The following CHPT1 variants were observed in gnomAD, a reference collection of about 807,000 sequenced individuals.
CHPT1 encodes the protein cholinephosphotransferase 1.
In CHPT1, 36 loss-of-function variants were observed where a neutral mutation model predicts 47.6. That is an observed-to-expected ratio of 0.76 (90% CI 0.58 to 1.00). The LOEUF is 1.00. Ranked by LOEUF, CHPT1 falls within the 50% of genes least tolerant of loss-of-function variation. The pLI is 0.00. For synonymous variants in CHPT1, 194 were observed against 186.3 expected (o/e 1.04, Z -0.33); for missense variants, 458 against 498.1 (o/e 0.92, Z 0.77).
intron 8 of CHPT1, 35 bp downstream of exon 8, chr12:101,726,439 GA>G: frequency 6.2e-7 from 1 of 1,606,354 alleles, no homozygotes. Context: ...ATAGCCCAAG[GA>G]AAAGAGGAGA....
At chr12:101,719,037 A>T (rs1300247182) in intron 4 of CHPT1, among the ~76,000 whole-genome samples, 3 of 150,766 alleles carry the variant, frequency 2.0e-5, no homozygotes, top group African/African-American at 7.3e-5. Flanking sequence ...GGCACCTGTA[A>T]TCCCAGCTAC....
chr12:101,702,747 C>G (rs1951572102), intron 1 of CHPT1, among the ~76,000 whole-genome samples: 1 of 151,982 alleles, frequency 6.6e-6, no homozygotes, highest in Admixed American at 6.6e-5. Flanking sequence ...TTTCAAGCAT[C>G]ATTTATTAAG....
At chr12:101,699,753 A>G (rs1594119514) in intron 1 of CHPT1, among the ~76,000 whole-genome samples, 1 of 152,262 alleles carries the variant, frequency 6.6e-6, no homozygotes, top group South Asian at 2.1e-4. Flanking sequence ...TACATATTAC[A>G]TATGAAAAAG....
At chr12:101,716,241 TA>T (rs1951761573) in intron 3 of CHPT1, among the ~76,000 whole-genome samples, 2 of 152,206 alleles carry the variant, frequency 1.3e-5, no homozygotes, top group East Asian at 1.9e-4. Context: ...CTATGGAAAC[TA>T]AAAAAACTAC....
At chr12:101,712,305 G>A (rs1314790380) in intron 1 of CHPT1, among the ~76,000 whole-genome samples, 1 of 148,668 alleles carries the variant, frequency 6.7e-6, no homozygotes, top group African/African-American at 2.4e-5. Context: ...ATAGGTGTGA[G>A]CCGCCGAACC....
At chr12:101,715,627 G>A (rs1951753480) in intron 3 of CHPT1, among the ~76,000 whole-genome samples, 1 of 152,150 alleles carries the variant, frequency 6.6e-6, no homozygotes, top group African/African-American at 2.4e-5. Context: ...AAAGTATGTA[G>A]ACAGATATAA....
chr12:101,698,002 G>A lies in CHPT1; in HGVS notation c.141G>A (p.Gln47=). 6.4e-7 allele frequency: 1 copy of A among 1,568,324 alleles called. No homozygotes were observed. Among genetic ancestry groups the A allele is most frequent in the Non-Finnish European group, 8.6e-7 (1 of 1,167,290 alleles). ...AGVSLLEPPL[Q]LYWTWLLQWI... ...TCTCGCTGCTCGAGCCGCCGCTGCA[G>A]CTCTACTGGACCTGGCTGCTCCAGT... is the stretch of plus-strand genomic sequence containing the variant. The change falls in exon 1 of 9, where the codon CAG becomes CAA. Residue 47 remains glutamine, a synonymous_variant. Coordinates refer to ENST00000229266, the MANE Select transcript of CHPT1 (RefSeq NM_020244.3).
At chr12:101,714,803 G>T in intron 3 of CHPT1, 158 bp downstream of exon 3, 1 of 578,158 alleles carries the variant, frequency 1.7e-6, no homozygotes, top group Non-Finnish European at 2.8e-6. Context: ...AAGTCTTTTA[G>T]GTACTCTGCA....
chr12:101,698,533 G>T (rs1414915534), intron 1 of CHPT1, among the ~76,000 whole-genome samples: 2 of 152,234 alleles, frequency 1.3e-5, no homozygotes, highest in African/African-American at 2.4e-5. Flanking sequence ...GTCCTGCCTG[G>T]CACAGGGACT....
chr12:101,698,126 A>C lies in CHPT1; in HGVS notation c.265A>C (p.Thr89Pro). The C allele has an allele frequency of 6.5e-7, 1 of 1,528,052 alleles. No homozygotes were observed. The highest frequency in any genetic ancestry group is 8.7e-7 in the Non-Finnish European group (1 of 1,144,548). 94.7% of individuals were successfully genotyped at this position (1,528,052 alleles called of 1,614,324 possible). A position where few individuals can be genotyped will look rare whatever the true frequency, so the allele number is the denominator to read the frequency against. The change falls in exon 1 of 9, where the codon ACC becomes CCC. Residue 89 changes from threonine (T) to proline (P), a missense_variant. Physicochemically the swap from Thr to Pro is conservative, Grantham distance 38 (BLOSUM62 -1). Transcript: ENST00000229266. ...LVLISYCPTATEEAPYWTYLL... is the reference protein window; with the variant it reads ...LVLISYCPTAPEEAPYWTYLL... ...GCTCATCTCCTACTGTCCCACGGCC[A>C]CCGAAGAGGTAGGGCTGGCCGATCG...
chr12:101,715,780 A>G (rs1028190466), intron 3 of CHPT1, among the ~76,000 whole-genome samples: 1 of 152,182 alleles, frequency 6.6e-6, no homozygotes, highest in Admixed American at 6.5e-5. Flanking sequence ...CATTTAAGAT[A>G]TGAATGAAGA....
chr12:101,711,551 A>C (rs1335896994), intron 1 of CHPT1, among the ~76,000 whole-genome samples: 1 of 147,334 alleles, frequency 6.8e-6, no homozygotes, highest in African/African-American at 2.4e-5. Context: ...AAATGGGAAG[A>C]GGCAGGTCAA....
intron 8 of CHPT1, chr12:101,726,862 T>C (rs1951956418): frequency 6.2e-6 from 1 of 162,438 alleles, no homozygotes. Flanking sequence ...GCTTATAATG[T>C]AATTATTGAA....
At chr12:101,709,564 A>G (rs1296327061) in intron 1 of CHPT1, among the ~76,000 whole-genome samples, 1 of 148,628 alleles carries the variant, frequency 6.7e-6, no homozygotes. Context: ...TCACCTAGGA[A>G]TGGAGGTGGT....
chr12:101,707,308 G>A (rs1017789685), intron 1 of CHPT1, among the ~76,000 whole-genome samples: 2 of 152,200 alleles, frequency 1.3e-5, no homozygotes, highest in Admixed American at 6.5e-5. Context: ...TGGAGCTGGA[G>A]TATGAAGGTG....
At chr12:101,715,827 A>G (rs1281405927) in intron 3 of CHPT1, among the ~76,000 whole-genome samples, 1 of 152,216 alleles carries the variant, frequency 6.6e-6, no homozygotes, top group East Asian at 1.9e-4. Context: ...AGCTCCAGCA[A>G]GGTAGGAAAA....
chr12:101,717,493 C>T (rs1951782376), intron 4 of CHPT1: 1 of 297,944 alleles, frequency 3.4e-6, no homozygotes, highest in Non-Finnish European at 6.7e-6. Context: ...AACAGTCATT[C>T]AATACTTATG....
At chr12:101,725,014 C>T (rs939174076) in intron 7 of CHPT1, among the ~76,000 whole-genome samples, 5 of 151,834 alleles carry the variant, frequency 3.3e-5, no homozygotes, top group African/African-American at 1.2e-4. Flanking sequence ...ATAAATATAC[C>T]GAAGTACACC....
In CHPT1 at chr12:101,701,196, C is replaced by G. The variant is rs567737972; in HGVS notation, c.273+3062C>G. Reference sequence around the variant, plus strand: ...TTTGTACTCCAGCCAAATTGAACTTCTTACTATAACAAGGATTTCTCTCCT... The same window carrying G: ...TTTGTACTCCAGCCAAATTGAACTTGTTACTATAACAAGGATTTCTCTCCT... On this transcript the variant is annotated intron_variant, in intron 1 of 8. Coordinates refer to ENST00000229266, the MANE Select transcript of CHPT1 (RefSeq NM_020244.3). Among the ~76,000 whole-genome samples, 2 of 152,296 alleles carry G rather than the reference C, an allele frequency of 1.3e-5. 1 individual carries two copies. The highest frequency in any genetic ancestry group is 4.1e-4 in the South Asian group (2 of 4,820).
Sources: gnomAD v4.1 joint callset for allele counts (sites outside exome capture counted in the v4.1 genomes callset) on GRCh38, gnomAD v4.1.1 for gene constraint, MANE v1.5 for transcripts, NCBI Gene and HGNC (gene_info 2026-07-23, HGNC 2026-07-21) for gene names.